ADCY3: variants seen among roughly 807,000 people sequenced by gnomAD.
ADCY3 encodes adenylate cyclase type 3.
Under a neutral mutation model 119.4 loss-of-function variants are expected in ADCY3, and 70 were observed. The observed-to-expected ratio is 0.59, with a 90% CI of 0.48 to 0.72. ADCY3 has a LOEUF of 0.72. ADCY3 is among the 30% of genes least tolerant of loss of function. The pLI is 0.00. For missense variants in ADCY3, 1,238 were observed against 1,541.6 expected, an observed-to-expected ratio of 0.80 and a Z score of 3.30; for synonymous variants, 672 against 621.4, an observed-to-expected ratio of 1.08 and a Z score of -1.21.
rs1360214856 is a variant in ADCY3, at chr2:24,872,610, A to G, written c.785T>C (p.Leu262Pro). ...RKAFLEARQS[L>P]EVKMNLEEQS... ...CTCTTCCAGGTTCATCTTCACCTCC[A>G]GCGACTGGCGGGCCTCCAGGAAGGC... Residue 262 changes from leucine (L) to proline (P), a missense_variant, in exon 3 of 22, where the codon CTG becomes CCG. Leu to Pro is a moderately conservative substitution (Grantham distance 98). Transcript: ENST00000679454. The surrounding 1 kb of genome is among the most constrained non-coding windows in gnomAD (Gnocchi z 4.4). The G allele has an allele frequency of 6.2e-7, 1 of 1,614,200 alleles. No individual in the cohort carries two copies. Among genetic ancestry groups the G allele is most frequent in the Admixed American group, 1.7e-5 (1 of 60,026 alleles).
In ADCY3 at chr2:24,913,080, G is replaced by A. The variant is rs181932678; in HGVS notation, c.675+5233C>T. Among the ~76,000 whole-genome samples the A allele has an allele frequency of 2.1e-3, 317 of 152,298 alleles. 1 individual carries two copies. The highest frequency in any genetic ancestry group is 0.01 in the Middle Eastern group (3 of 292). On this transcript the variant is annotated intron_variant, in intron 2 of 21. Coordinates refer to ENST00000679454, the MANE Select transcript of ADCY3 (RefSeq NM_004036.5). ...ACGGAGGGATGACGGCTTCTTTCCC[G>A]TCCCGGGTCAGTGGAGGAGCCCAGG... is the stretch of plus-strand genomic sequence containing the variant.
Position 24,842,804 on chromosome 2 carries a change from CA to C in ADCY3, c.826-421del, listed in dbSNP as rs1327030802. Among the ~76,000 whole-genome samples, 2 of 152,222 alleles carry C rather than the reference CA, an allele frequency of 1.3e-5. No homozygotes were observed. ...TCACAAAATTCTGCTTTGACCTGAT[CA>C]AAGACTGACAGCAGACCAGGCACTA... On this transcript the variant is annotated intron_variant, in intron 3 of 21. Coordinates refer to ENST00000679454, the MANE Select transcript of ADCY3 (RefSeq NM_004036.5). The surrounding 1 kb of genome is among the most constrained non-coding windows in gnomAD (Gnocchi z 4.9).
At position 24,842,205 on chromosome 2, in the gene ADCY3, C is replaced by T; in HGVS notation, c.956+49G>A. On this transcript the variant is annotated intron_variant, in intron 4 of 21. Coordinates refer to ENST00000679454, the MANE Select transcript of ADCY3 (RefSeq NM_004036.5). The surrounding 1 kb of genome is among the most constrained non-coding windows in gnomAD (Gnocchi z 4.9). The stretch of plus-strand genomic sequence containing the variant: ...CTAGCGGGTCCCACAAAGATGCAGC[C>T]CTCCACAGCCTGCTCTGCCATCAGA... The T allele has an allele frequency of 6.2e-7, 1 of 1,610,960 alleles. No homozygotes were observed. Among genetic ancestry groups the T allele is most frequent in the Non-Finnish European group, 8.5e-7 (1 of 1,179,218 alleles).
rs370003743 is a variant in ADCY3, at chr2:24,872,520, C to T, written c.825+50G>A. On this transcript the variant is annotated intron_variant, in intron 3 of 21. Transcript: ENST00000679454. This position sits in a 1 kb window ranked among gnomAD's most constrained non-coding sequence, Gnocchi z 4.4. ...CTGGTTCCTCTCCCTCTGACAAGGC[C>T]ACAGTCCCTGAGCCCAAGCTCCAGG... 6.3e-7 allele frequency: 1 copy of T among 1,592,614 alleles called. No homozygotes were observed. The highest frequency in any genetic ancestry group is 1.3e-5 in the African/African-American group (1 of 74,438).
chr2:24,870,954 G>C (rs951252470), intron 3 of ADCY3, among the ~76,000 whole-genome samples: 48 of 152,294 alleles, frequency 3.2e-4, no homozygotes, highest in African/African-American at 1.2e-3. Context: ...AACAGCCCCA[G>C]GGTGAAACAC....
Position 24,841,496 on chromosome 2 carries a change from G to C in ADCY3, c.1068+60C>G. 1.3e-6 allele frequency: 2 copies of C among 1,590,782 alleles called. No homozygotes were observed. The highest frequency in any genetic ancestry group is 2.3e-5 in the East Asian group (1 of 44,340). On this transcript the variant is annotated intron_variant, in intron 5 of 21. Coordinates refer to ENST00000679454, the MANE Select transcript of ADCY3 (RefSeq NM_004036.5). The surrounding 1 kb of genome is among the most constrained non-coding windows in gnomAD (Gnocchi z 5.8). ...GAAAATCATGGGGCCGGGGATGGGGGCCAGGCAGAGGCCATGAGGGCAGGC... is the reference window on the plus strand; with the variant it reads ...GAAAATCATGGGGCCGGGGATGGGGCCCAGGCAGAGGCCATGAGGGCAGGC...
At chr2:24,897,872 G>T (rs901840142) in intron 2 of ADCY3, among the ~76,000 whole-genome samples, 1 of 152,114 alleles carries the variant, frequency 6.6e-6, no homozygotes, top group Non-Finnish European at 1.5e-5. Flanking sequence ...GTTCAGGCAG[G>T]TTCTCACATA....
At position 24,819,820 on chromosome 2, in the gene ADCY3, C is replaced by G. The variant is rs1667271955; in HGVS notation, c.*112G>C. ...GAACAAATGAAGGCTGAGGAGGTTT[C>G]TAAACCTAAAGTCCATGAGTGTGCA... is the stretch of plus-strand genomic sequence containing the variant. On this transcript the variant is annotated 3_prime_UTR_variant, in exon 22 of 22. Transcript: ENST00000679454. 8.3e-7 allele frequency: 1 copy of G among 1,198,202 alleles called. No individual in the cohort carries two copies. Among genetic ancestry groups the G allele is most frequent in the Admixed American group, 2.7e-5 (1 of 37,098 alleles). 74.2% of individuals were successfully genotyped at this position (1,198,202 alleles called of 1,614,324 possible).
At chr2:24,860,347 C>T (rs577471271) in intron 3 of ADCY3, among the ~76,000 whole-genome samples, 1 of 152,372 alleles carries the variant, frequency 6.6e-6, no homozygotes, top group Admixed American at 6.5e-5. Flanking sequence ...CACATGCCCA[C>T]AGAGCCGGGA....
chr2:24,870,672 G>A (rs1674881445), intron 3 of ADCY3, among the ~76,000 whole-genome samples: 1 of 152,174 alleles, frequency 6.6e-6, no homozygotes, highest in East Asian at 1.9e-4. Flanking sequence ...GGAGCCCTGG[G>A]GCACCCAGGG....
rs1678694630 is a variant in ADCY3, at chr2:24,899,706, G to C, written c.675+18607C>G. On this transcript the variant is annotated intron_variant, in intron 2 of 21. Transcript: ENST00000679454. The surrounding 1 kb of genome is among the most constrained non-coding windows in gnomAD (Gnocchi z 4.5). Reference sequence around the variant, plus strand: ...TACAGTTACCATAGAGGGGTGTGTAGAGCTTTGCTTCCCCGATTTGCATAA... The same window carrying C: ...TACAGTTACCATAGAGGGGTGTGTACAGCTTTGCTTCCCCGATTTGCATAA... Among the ~76,000 whole-genome samples, 1 of 152,226 alleles carries C rather than the reference G, an allele frequency of 6.6e-6. No individual in the cohort carries two copies. Among genetic ancestry groups the C allele is most frequent in the African/African-American group, 2.4e-5 (1 of 41,466 alleles).
intron 2 of ADCY3, among the ~76,000 whole-genome samples, chr2:24,880,258 C>T (rs1488044716): frequency 6.6e-6 from 1 of 152,258 alleles, no homozygotes; most frequent in Non-Finnish European, 1.5e-5. Context: ...CATGATCTGC[C>T]AGGCAGCTAG....
chr2:24,887,622 C>G (rs933968130), intron 2 of ADCY3, among the ~76,000 whole-genome samples: 1 of 151,868 alleles, frequency 6.6e-6, no homozygotes, highest in Non-Finnish European at 1.5e-5. Context: ...GTGTCCCAGC[C>G]CACTCCCCCC....
intron 3 of ADCY3, among the ~76,000 whole-genome samples, chr2:24,871,478 G>A (rs989059594): frequency 2.6e-5 from 4 of 152,220 alleles, no homozygotes; most frequent in South Asian, 2.1e-4. Context: ...CAGTGGAATC[G>A]GAGGCCCATC....
At chr2:24,831,870 G>A in intron 11 of ADCY3, 121 bp from the exon 12 acceptor site, 2 of 632,080 alleles carry the variant, frequency 3.2e-6, no homozygotes, top group South Asian at 3.8e-5. Flanking sequence ...AGGGGGCAGG[G>A]GACAGTGGAC....
At chr2:24,895,326 A>C (rs72848439) in intron 2 of ADCY3, among the ~76,000 whole-genome samples, 1 of 151,904 alleles carries the variant, frequency 6.6e-6, no homozygotes, top group African/African-American at 2.4e-5. Context: ...TGACATTGTG[A>C]TCCGCCCACC....
chr2:24,824,763 C>T (rs1806822), intron 16 of ADCY3, among the ~76,000 whole-genome samples: 8,020 of 152,232 alleles, frequency 0.053, 294 homozygotes, highest in Non-Finnish European at 0.079. Flanking sequence ...GTGGCGGGCA[C>T]CTGTAATCCC....
chr2:24,834,791 T>A lies in ADCY3; in HGVS notation c.1805+3A>T. On this transcript the variant is annotated splice_donor_region_variant and intron_variant, in intron 10 of 21. Coordinates refer to ENST00000679454, the MANE Select transcript of ADCY3 (RefSeq NM_004036.5). The surrounding 1 kb of genome is among the most constrained non-coding windows in gnomAD (Gnocchi z 4.2). ...GGCCTGGACGCTTCCGGGTGGCGCT[T>A]ACACTTGGGCGGACTCTCGCTCAAG... The A allele has an allele frequency of 6.2e-7, 1 of 1,612,260 alleles. No individual in the cohort carries two copies. The highest frequency in any genetic ancestry group is 8.5e-7 in the Non-Finnish European group (1 of 1,178,844).
At chr2:24,912,203 C>T (rs1663779583) in intron 2 of ADCY3, among the ~76,000 whole-genome samples, 1 of 151,766 alleles carries the variant, frequency 6.6e-6, no homozygotes, top group Non-Finnish European at 1.5e-5. Flanking sequence ...GTGGCTCACA[C>T]CTGTAATCCA....
Sources: gnomAD v4.1 joint callset for allele counts (sites outside exome capture counted in the v4.1 genomes callset) on GRCh38, gnomAD v4.1.1 for gene constraint, Gnocchi (gnomAD v3.1) non-coding constraint, MANE v1.5 for transcripts, NCBI Gene and HGNC (gene_info 2026-07-23, HGNC 2026-07-21) for gene names.